Variants in RBP5 observed in about 807,000 individuals in gnomAD.
RBP5 encodes retinol binding protein 5, also known as retinol-binding protein 5.
RBP5 carries 12 observed loss-of-function variants against 17.8 expected under a neutral mutation model. The observed-to-expected ratio is 0.67, with a 90% confidence interval of 0.43 to 1.09. The LOEUF (loss-of-function observed/expected upper bound fraction) is 1.09, where lower values mean the gene tolerates loss of function less well. Ranked by LOEUF, RBP5 falls within the 50% of genes least tolerant of loss-of-function variation. The pLI is 0.00. For synonymous variants in RBP5, 64 were observed against 68.1 expected, an observed-to-expected ratio of 0.94 and a Z score of 0.30; for missense variants, 172 against 169.4, an observed-to-expected ratio of 1.02 and a Z score of -0.09.
chr12:7,122,821 T>C (rs190474158), downstream of RBP5, among the ~76,000 whole-genome samples: 5 of 152,286 alleles, frequency 3.3e-5, no homozygotes, highest in African/African-American at 1.2e-4. Context: ...TCTGCAGAGA[T>C]TGGGCAGGGA....
chr12:7,122,248 G>C (rs76584503), downstream of RBP5: 4,849 of 152,338 alleles, frequency 0.032, 141 homozygotes, highest in Non-Finnish European at 0.053. Context: ...TCTGCAGGTC[G>C]AGCTCCCACC....
In RBP5 at chr12:7,123,936, G is replaced by A; in HGVS notation, c.*185C>T. The A allele has an allele frequency of 3.3e-6, 2 of 607,348 alleles. No individual in the cohort carries two copies. The highest frequency in any genetic ancestry group is 1.8e-5 in the African/African-American group (1 of 54,464). The allele number at this position is 607,348 out of a possible 1,614,324, so 37.6% of individuals were successfully genotyped here. Reference sequence around the variant, plus strand: ...GTCACTATTGGGCAGTGGAGTGTGAGAAAGGACTTTGGCCTGGGGGCTGCA... The same window carrying A: ...GTCACTATTGGGCAGTGGAGTGTGAAAAAGGACTTTGGCCTGGGGGCTGCA... On this transcript the variant is annotated 3_prime_UTR_variant, in exon 4 of 4. Transcript: ENST00000266560.
In RBP5 at chr12:7,117,129, T is replaced by A. The variant is rs1939015222; in HGVS notation, n.1068A>T. 1 of 152,208 alleles carries A rather than the reference T, an allele frequency of 6.6e-6. No individual in the cohort carries two copies. The highest frequency in any genetic ancestry group is 2.4e-5 in the African/African-American group (1 of 41,444). The allele number at this position is 152,208 out of a possible 1,614,324, so 9.4% of individuals were successfully genotyped here. On this transcript the variant is annotated non_coding_transcript_exon_variant, in exon 4 of 4. Coordinates refer to the RBP5 transcript ENST00000619522. This position sits in a 1 kb window ranked among gnomAD's most constrained non-coding sequence, Gnocchi z 4.9. Reference sequence around the variant, plus strand: ...ATGGATGTGGGCAGGCGGCCTCAGTTCCCTGCCACATGGCCCTCCTCATAG... The same window carrying A: ...ATGGATGTGGGCAGGCGGCCTCAGTACCCTGCCACATGGCCCTCCTCATAG...
chr12:7,129,308 T>G, upstream of RBP5: 1 of 177,704 alleles, frequency 5.6e-6, no homozygotes. This position sits in a 1 kb window ranked among gnomAD's most constrained non-coding sequence, Gnocchi z 5.5. Context: ...TTGGAAGATG[T>G]GAGGGGAGGG....
At position 7,128,255 on chromosome 12, in the gene RBP5, G is replaced by A. The variant is rs769017436; in HGVS notation, c.237C>T (p.Asp79=). The change falls in exon 2 of 4, where the codon GAC becomes GAT. Residue 79 remains aspartate, a synonymous_variant. Coordinates refer to ENST00000266560, the MANE Select transcript of RBP5 (RefSeq NM_031491.4). This position sits in a 1 kb window ranked among gnomAD's most constrained non-coding sequence, Gnocchi z 5.3. ...VEFEEDLRSV[D]GRKCQTIVTW... is the part of the protein sequence containing the mutation. ...GGAAATGTACCTGGCATTTTCGTCC[G>A]TCCACGCTCCTGAGGTCCTCCTCAA... The A allele has an allele frequency of 7.1e-5, 115 of 1,612,930 alleles. 1 individual carries two copies. Among genetic ancestry groups the A allele is most frequent in the South Asian group, 4.4e-4 (40 of 90,984 alleles).
Position 7,128,372 on chromosome 12 carries a change from G to C in RBP5, c.120C>G (p.Asp40Glu). Residue 40 changes from aspartate to glutamate, a missense_variant, in exon 2 of 4, where the codon GAC becomes GAG. Asp to Glu is a conservative substitution (Grantham distance 45). Transcript: ENST00000266560. This position sits in a 1 kb window ranked among gnomAD's most constrained non-coding sequence, Gnocchi z 5.3. ...GGTTGCCCTGGTGTTCGATCTCCTTGTCCGGCTTCAGCAGCAGCGCGATCT... is the reference window on the plus strand; with the variant it reads ...GGTTGCCCTGGTGTTCGATCTCCTTCTCCGGCTTCAGCAGCAGCGCGATCT... Reference protein sequence around the residue: ...VRKIALLLKPDKEIEHQGNHM... With the variant: ...VRKIALLLKPEKEIEHQGNHM... 1 of 1,614,194 alleles carries C rather than the reference G, an allele frequency of 6.2e-7. No homozygotes were observed. The highest frequency in any genetic ancestry group is 8.5e-7 in the Non-Finnish European group (1 of 1,180,036).
At position 7,123,895 on chromosome 12, in the gene RBP5, T is replaced by C. The variant is rs1939116518; in HGVS notation, c.*226A>G. The C allele has an allele frequency of 5.8e-6, 3 of 512,914 alleles. 1 individual carries two copies. The highest frequency in any genetic ancestry group is 5.9e-5 in the South Asian group (2 of 33,862). 31.8% of individuals were successfully genotyped at this position (512,914 alleles called of 1,614,324 possible). ...CTTCTTTCATTTGGGACGCCAGACC[T>C]TGACCTGGAAGTGAGGTCACTATTG... On this transcript the variant is annotated 3_prime_UTR_variant, in exon 4 of 4. Transcript: ENST00000266560.
chr12:7,128,888 G>A lies in RBP5; in HGVS notation c.-113C>T. 1 of 862,844 alleles carries A rather than the reference G, an allele frequency of 1.2e-6. No homozygotes were observed. Among genetic ancestry groups the A allele is most frequent in the Non-Finnish European group, 1.9e-6 (1 of 521,218 alleles). The allele number at this position is 862,844 out of a possible 1,614,324, so 53.4% of individuals were successfully genotyped here. On this transcript the variant is annotated 5_prime_UTR_variant, in exon 1 of 4. Coordinates refer to ENST00000266560, the MANE Select transcript of RBP5 (RefSeq NM_031491.4). This position sits in a 1 kb window ranked among gnomAD's most constrained non-coding sequence, Gnocchi z 5.3. The stretch of plus-strand genomic sequence containing the variant: ...CCAGCTCCACACACAGAGACAGGAT[G>A]TGTAATGGCCGGGTTACCAGGGCTT...
At chr12:7,123,333 C>G (rs1178436474), downstream of RBP5, among the ~76,000 whole-genome samples, 1 of 152,226 alleles carries the variant, frequency 6.6e-6, no homozygotes, top group Non-Finnish European at 1.5e-5. Context: ...CCCTCCTATG[C>G]CTTCACACCC....
At chr12:7,120,210 G>C (rs972641037), downstream of RBP5, among the ~76,000 whole-genome samples, 3 of 152,076 alleles carry the variant, frequency 2.0e-5, no homozygotes, top group African/African-American at 7.2e-5. Context: ...TCTTGTTTTT[G>C]CTGGAAAGGT....
chr12:7,126,998 T>A (rs1001593606), intron 2 of RBP5, among the ~76,000 whole-genome samples: 8 of 146,720 alleles, frequency 5.5e-5, no homozygotes, highest in Non-Finnish European at 9.0e-5. Flanking sequence ...ATTTTTTTTT[T>A]TTTTTTTTTT....
chr12:7,129,758 T>C (rs1239674736), upstream of RBP5: 1 of 985,456 alleles, frequency 1.0e-6, no homozygotes, highest in Non-Finnish European at 1.2e-6. This position sits in a 1 kb window ranked among gnomAD's most constrained non-coding sequence, Gnocchi z 5.5. Context: ...TGGTTCATCA[T>C]GGTTTAAGGT....
rs1313534449 is a variant in RBP5, at chr12:7,124,197, G to C, written c.355-23C>G. The C allele has an allele frequency of 1.9e-6, 3 of 1,613,338 alleles. No individual in the cohort carries two copies. The highest frequency in any genetic ancestry group is 2.2e-5 in the East Asian group (1 of 44,870). On this transcript the variant is annotated intron_variant, in intron 3 of 3. Transcript: ENST00000266560. This position sits in a 1 kb window ranked among gnomAD's most constrained non-coding sequence, Gnocchi z 5.3. ...TTCCTGGGGAGAGAGGGGAAGTGAGGGGGAGAGAGAAAGAGGGCGTTTGCC... is the reference window on the plus strand; with the variant it reads ...TTCCTGGGGAGAGAGGGGAAGTGAGCGGGAGAGAGAAAGAGGGCGTTTGCC...
Position 7,128,798 on chromosome 12 carries a change from G to A in RBP5, c.-23C>T. ...CATTGTGTGGATGAAGGTTTCAGGA[G>A]AATGCAGGAGACAGGGTGAGGAAGG... On this transcript the variant is annotated 5_prime_UTR_variant, in exon 1 of 4. Coordinates refer to ENST00000266560, the MANE Select transcript of RBP5 (RefSeq NM_031491.4). The surrounding 1 kb of genome is among the most constrained non-coding windows in gnomAD (Gnocchi z 5.3). 1.9e-6 allele frequency: 3 copies of A among 1,569,506 alleles called. No individual in the cohort carries two copies. In the South Asian group the frequency reaches 3.5e-5, roughly 18 times the overall value.
At chr12:7,119,614 C>G (rs763587590), downstream of RBP5, 1 of 154,860 alleles carries the variant, frequency 6.5e-6, no homozygotes, top group Non-Finnish European at 1.5e-5. Context: ...GGTAGTGGCA[C>G]TTGATGCCTT....
downstream of RBP5, among the ~76,000 whole-genome samples, chr12:7,119,204 G>T (rs1180700120): frequency 3.4e-5 from 1 of 29,490 alleles, no homozygotes; most frequent in Non-Finnish European, 6.8e-5. Context: ...TGGGGGATGG[G>T]GGGGGGTCCC....
At chr12:7,128,988 G>C (rs1019543661), upstream of RBP5, 4 of 545,434 alleles carry the variant, frequency 7.3e-6, no homozygotes, top group Non-Finnish European at 1.4e-5. The surrounding 1 kb of genome is among the most constrained non-coding windows in gnomAD (Gnocchi z 5.3). Flanking sequence ...GAGTTTGGGG[G>C]TGGTGTCTCC....
downstream of RBP5, among the ~76,000 whole-genome samples, chr12:7,119,710 T>C (rs148196286): frequency 4.2e-3 from 644 of 152,316 alleles, 1 homozygote; most frequent in African/African-American, 0.014. Context: ...GTGCAAGTAA[T>C]GATAGCCAGC....
chr12:7,128,650 A>G lies in RBP5; in HGVS notation c.73+53T>C. 2 of 1,464,058 alleles carry G rather than the reference A, an allele frequency of 1.4e-6. No individual in the cohort carries two copies. The highest frequency in any genetic ancestry group is 1.9e-6 in the Non-Finnish European group (2 of 1,064,434). The allele number at this position is 1,464,058 out of a possible 1,614,324, so 90.7% of individuals were successfully genotyped here. A position where few individuals can be genotyped will look rare whatever the true frequency, so the allele number is the denominator to read the frequency against. ...CTTCTCCATGGGACCAAGAAGCAGG[A>G]AGGAAGAGGGGAGAAAGGGAGTGAC... On this transcript the variant is annotated intron_variant, in intron 1 of 3. Transcript: ENST00000266560. The surrounding 1 kb of genome is among the most constrained non-coding windows in gnomAD (Gnocchi z 5.3).
Sources: gnomAD v4.1 joint callset for allele counts (sites outside exome capture counted in the v4.1 genomes callset) on GRCh38, gnomAD v4.1.1 for gene constraint, Gnocchi (gnomAD v3.1) non-coding constraint, MANE v1.5 for transcripts, NCBI Gene and HGNC (gene_info 2026-07-23, HGNC 2026-07-21) for gene names.